Variants in PGR observed in about 807,000 individuals in gnomAD.
PGR encodes the protein progesterone receptor.
Under a neutral mutation model 76.1 loss-of-function variants are expected in PGR, and 25 were observed. The observed-to-expected ratio is 0.33, with a 90% CI of 0.24 to 0.46. The LOEUF is 0.46. Among genes scored for constraint, PGR ranks in the 20% least tolerant of loss-of-function variants. The pLI, the probability that PGR is intolerant of heterozygous loss-of-function variation, is 1.00. For synonymous variants in PGR, 579 were observed against 535.0 expected (o/e 1.08, Z -1.14); for missense variants, 1,172 against 1,225.3 (o/e 0.96, Z 0.65).
Position 101,042,055 on chromosome 11 carries a change from A to C in PGR, c.2536T>G (p.Ser846Ala). ...TTGATGAGCTCTCTAATGTAGCTTG[A>C]CCTCATCTCCTCAAACTGGGTTTGA... ...RSQTQFEEMR[S>A]SYIRELIKAI... The change falls in exon 7 of 8, where the codon TCA (serine) becomes GCA (alanine). Residue 846 changes from serine (S) to alanine (A), a missense_variant. Ser to Ala is a moderately conservative substitution (Grantham distance 99). This residue lies in a region of PGR where 166 missense variants were observed against 296.0 expected (regional missense o/e 0.56). Coordinates refer to ENST00000325455, the MANE Select transcript of PGR (RefSeq NM_000926.4). The C allele has an allele frequency of 6.2e-7, 1 of 1,613,528 alleles. No homozygotes were observed. Among genetic ancestry groups the C allele is most frequent in the Non-Finnish European group, 8.5e-7 (1 of 1,179,636 alleles).
intron 6 of PGR, among the ~76,000 whole-genome samples, chr11:101,043,715 T>G: frequency 6.6e-6 from 1 of 152,194 alleles, no homozygotes; most frequent in South Asian, 2.1e-4. Context: ...TTAGCAGAAA[T>G]GAAAACATTA....
chr11:101,119,934 A>G (rs1416281350), intron 2 of PGR, among the ~76,000 whole-genome samples: 1 of 152,234 alleles, frequency 6.6e-6, no homozygotes, highest in Non-Finnish European at 1.5e-5. Flanking sequence ...TGTAAAATAT[A>G]GATACTAACA....
At chr11:101,092,570 C>T (rs962556961) in intron 2 of PGR, among the ~76,000 whole-genome samples, 2 of 152,162 alleles carry the variant, frequency 1.3e-5, no homozygotes, top group Non-Finnish European at 2.9e-5. Context: ...ACACATCGCA[C>T]ATCACCCTGG....
rs113332040 is a variant in PGR at position 101,066,084 on chromosome 11, C to T, written c.1907-3332G>A. Among the ~76,000 whole-genome samples, 862 of 152,276 alleles carry T rather than the reference C, an allele frequency of 5.7e-3. 13 individuals are homozygous for T. Among genetic ancestry groups the T allele is most frequent in the African/African-American group, 0.019 (809 of 41,552 alleles). ...CTGAAATCATTTGCCCTCTTGTCTG[C>T]ATCCTCTAATAGTCCCTCTCACACA... On this transcript the variant is annotated intron_variant, in intron 3 of 7. Coordinates refer to ENST00000325455, the MANE Select transcript of PGR (RefSeq NM_000926.4).
At chr11:101,127,348 G>A in intron 1 of PGR, 86 bp downstream of exon 1, 1 of 1,052,258 alleles carries the variant, frequency 9.5e-7, no homozygotes. Context: ...GGTGCGCTGG[G>A]GCTGGGGCTG....
chr11:101,045,850 G>C (rs1046474528), intron 6 of PGR, among the ~76,000 whole-genome samples: 1 of 152,046 alleles, frequency 6.6e-6, no homozygotes, highest in Non-Finnish European at 1.5e-5. Flanking sequence ...TTTCCTTTGG[G>C]TAGATATCCA....
intron 3 of PGR, among the ~76,000 whole-genome samples, chr11:101,066,189 T>C (rs1452027174): frequency 1.3e-5 from 2 of 152,212 alleles, no homozygotes; most frequent in Admixed American, 6.5e-5. Flanking sequence ...AGTCAGGTCA[T>C]TCCTCTCCTT....
chr11:101,116,854 G>A (rs1353512796), intron 2 of PGR, among the ~76,000 whole-genome samples: 1 of 151,258 alleles, frequency 6.6e-6, no homozygotes, highest in East Asian at 1.9e-4. Flanking sequence ...TACCTAGCAA[G>A]ATCAAATGGG....
chr11:101,039,482 A>C (rs758631187), intron 7 of PGR, among the ~76,000 whole-genome samples: 9 of 152,000 alleles, frequency 5.9e-5, no homozygotes, highest in Non-Finnish European at 1.3e-4. Context: ...ATATTATGGA[A>C]AGATTTATTT....
intron 4 of PGR, among the ~76,000 whole-genome samples, chr11:101,061,819 A>G (rs1032477410): frequency 6.6e-6 from 1 of 152,276 alleles, no homozygotes; most frequent in Non-Finnish European, 1.5e-5. Flanking sequence ...AGGGAGCAAA[A>G]ATAGCTGATA....
chr11:101,125,129 T>C (rs917999017), intron 2 of PGR, among the ~76,000 whole-genome samples: 3 of 152,158 alleles, frequency 2.0e-5, no homozygotes, highest in African/African-American at 4.8e-5. Context: ...AAGCTTCATT[T>C]TACATAGTTA....
intron 7 of PGR, among the ~76,000 whole-genome samples, 175 bp from the exon 8 acceptor site, chr11:101,039,446 T>TTA (rs1859623693): frequency 6.6e-6 from 1 of 151,988 alleles, no homozygotes; most frequent in Non-Finnish European, 1.5e-5. Flanking sequence ...ATGTAAAATG[T>TTA]TATATACTCA....
At chr11:101,108,248 T>TAAA (rs550121348) in intron 2 of PGR, among the ~76,000 whole-genome samples, 4,485 of 115,302 alleles carry the variant, frequency 0.039, 228 homozygotes, top group African/African-American at 0.13. Context: ...AGACTCCGTC[T>TAAA]AAAAAAAAAA....
chr11:101,117,667 C>T (rs1034847417), intron 2 of PGR, among the ~76,000 whole-genome samples: 3 of 151,058 alleles, frequency 2.0e-5, no homozygotes, highest in Admixed American at 6.6e-5. Flanking sequence ...GTGTATAATA[C>T]GCCAGGAGTC....
chr11:101,123,417 TAA>T (rs1178376934), intron 2 of PGR, among the ~76,000 whole-genome samples: 2 of 152,220 alleles, frequency 1.3e-5, no homozygotes, highest in African/African-American at 4.8e-5. Context: ...GAACCTGATA[TAA>T]GTCCTTCTAC....
At chr11:101,093,358 G>A (rs1177042465) in intron 2 of PGR, among the ~76,000 whole-genome samples, 1 of 151,662 alleles carries the variant, frequency 6.6e-6, no homozygotes, top group African/African-American at 2.4e-5. Flanking sequence ...CTATAGGAGT[G>A]ACTGTGAGAG....
At chr11:101,110,396 T>C (rs953995063) in intron 2 of PGR, among the ~76,000 whole-genome samples, 2 of 152,186 alleles carry the variant, frequency 1.3e-5, no homozygotes, top group Non-Finnish European at 2.9e-5. Context: ...CAAACCCTTA[T>C]AGATGACTTT....
At chr11:101,083,574 G>C (rs796418094) in intron 3 of PGR, among the ~76,000 whole-genome samples, 1 of 152,220 alleles carries the variant, frequency 6.6e-6, no homozygotes, top group Non-Finnish European at 1.5e-5. Flanking sequence ...AGCTGCTGAA[G>C]GCCTTGGGAG....
intron 2 of PGR, among the ~76,000 whole-genome samples, chr11:101,106,124 C>G (rs781518938): frequency 6.6e-6 from 1 of 152,108 alleles, no homozygotes; most frequent in African/African-American, 2.4e-5. Flanking sequence ...CATAAAAATC[C>G]TAGAAGAAAA....
Sources: gnomAD v4.1 joint callset for allele counts (sites outside exome capture counted in the v4.1 genomes callset) on GRCh38, gnomAD v4.1.1 for gene constraint, gnomAD v4.1.1 regional missense constraint, MANE v1.5 for transcripts, NCBI Gene and HGNC (gene_info 2026-07-23, HGNC 2026-07-21) for gene names.